The following MMP2 variants were observed in gnomAD, a reference collection of about 807,000 sequenced individuals.
The protein encoded by MMP2 is matrix metallopeptidase 2, also known as 72 kDa type IV collagenase.
Under a neutral mutation model 74.8 loss-of-function variants are expected in MMP2, and 39 were observed. That is an observed-to-expected ratio of 0.52 (90% CI 0.40 to 0.68). The LOEUF is 0.68. MMP2 is among the 30% of genes least tolerant of loss of function. The pLI is 0.00. For missense variants in MMP2, 803 were observed against 878.3 expected (o/e 0.91, Z 1.08); for synonymous variants, 367 against 339.8 (o/e 1.08, Z -0.88).
chr16:55,497,539 T>G (rs17859977), intron 10 of MMP2, among the ~76,000 whole-genome samples: 4,618 of 152,350 alleles, frequency 0.03, 113 homozygotes, highest in East Asian at 0.1. Context: ...GATTATTCAG[T>G]AACTGATATT....
At chr16:55,483,522 G>A (rs1962161001) in intron 2 of MMP2, among the ~76,000 whole-genome samples, 1 of 152,188 alleles carries the variant, frequency 6.6e-6, no homozygotes, top group Admixed American at 6.5e-5. Context: ...AGGTCATTGG[G>A]ATGGGCAGAA....
intron 7 of MMP2, among the ~76,000 whole-genome samples, chr16:55,490,869 T>C (rs1447958470): frequency 6.6e-6 from 1 of 152,120 alleles, no homozygotes; most frequent in African/African-American, 2.4e-5. Flanking sequence ...GTGAATATTA[T>C]AGTCTCCTGG....
chr16:55,500,351 A>G (rs1236649628), intron 11 of MMP2, among the ~76,000 whole-genome samples: 2 of 152,218 alleles, frequency 1.3e-5, no homozygotes, highest in African/African-American at 4.8e-5. Context: ...CGTGAATCTT[A>G]GAATCCTAAA....
intron 1 of MMP2, chr16:55,480,112 A>G (rs1962060556): frequency 6.3e-6 from 1 of 158,998 alleles, no homozygotes; most frequent in Non-Finnish European, 1.4e-5. Flanking sequence ...GACTTTGGGA[A>G]CGGTGCTCTG....
chr16:55,504,675 C>T (rs1319911015), intron 12 of MMP2, among the ~76,000 whole-genome samples: 4 of 137,500 alleles, frequency 2.9e-5, no homozygotes, highest in African/African-American at 1.1e-4. Context: ...TTTTTTGAGA[C>T]AGAGTCTCCC....
chr16:55,505,518 C>T lies in MMP2; in HGVS notation c.*76C>T, dbSNP rs760604174. ...GGGCCTGGAGAACTAGAGAAGGACC[C>T]GGAGGGGCCTGGCAGCCGTGCCTTC... On this transcript the variant is annotated 3_prime_UTR_variant, in exon 13 of 13. Coordinates refer to ENST00000219070, the MANE Select transcript of MMP2 (RefSeq NM_004530.6). 1.2e-5 allele frequency: 15 copies of T among 1,294,336 alleles called. No homozygotes were observed. Among genetic ancestry groups the T allele is most frequent in the Middle Eastern group, 2.4e-4 (1 of 4,094 alleles). 80.2% of individuals were successfully genotyped at this position (1,294,336 alleles called of 1,614,324 possible).
chr16:55,480,319 G>A (rs1171642115), intron 1 of MMP2, among the ~76,000 whole-genome samples: 5 of 152,186 alleles, frequency 3.3e-5, no homozygotes, highest in African/African-American at 9.7e-5. Context: ...TGGCTTAATG[G>A]ACAAATTGGT....
intron 9 of MMP2, among the ~76,000 whole-genome samples, chr16:55,496,075 C>T (rs1186518836): frequency 6.6e-6 from 1 of 152,220 alleles, no homozygotes; most frequent in Non-Finnish European, 1.5e-5. Context: ...CAGTAGTTCT[C>T]AAACCTTGGC....
intron 12 of MMP2, among the ~76,000 whole-genome samples, chr16:55,504,496 C>T (rs575554292): frequency 3.3e-5 from 5 of 152,106 alleles, no homozygotes; most frequent in Non-Finnish European, 4.4e-5. Flanking sequence ...TAATCTTTAT[C>T]CTCATCTTAG....
chr16:55,486,341 GTGTGCC>G (rs1384111189), intron 5 of MMP2, among the ~76,000 whole-genome samples: 411 of 96,420 alleles, frequency 4.3e-3, no homozygotes, highest in African/African-American at 0.014. Context: ...GTGTGTGTGT[GTGTGCC>G]TGTGTGTGTG....
Position 55,498,463 on chromosome 16 carries a change from T to C in MMP2, c.1769+15T>C, listed in dbSNP as rs763290583. The stretch of plus-strand genomic sequence containing the variant: ...AAATTCTGGAGGTAAGGGAGGGCGG[T>C]GGGTAGGACAGCAGCACAGTTGGCT... On this transcript the variant is annotated intron_variant, in intron 11 of 12. Coordinates refer to ENST00000219070, the MANE Select transcript of MMP2 (RefSeq NM_004530.6). 9 of 1,613,768 alleles carry C rather than the reference T, an allele frequency of 5.6e-6. No individual in the cohort carries two copies. The highest frequency in any genetic ancestry group is 1.3e-5 in the African/African-American group (1 of 74,868).
At chr16:55,485,464 C>G in intron 4 of MMP2, 37 bp downstream of exon 4, 1 of 1,614,026 alleles carries the variant, frequency 6.2e-7, no homozygotes, top group Non-Finnish European at 8.5e-7. Flanking sequence ...CAGACCTTCT[C>G]TCCTGTCCTC....
chr16:55,483,005 C>T lies in MMP2; in HGVS notation c.250C>T (p.Pro84Ser), dbSNP rs1962144533. Reference sequence around the variant, plus strand: ...GAAGATGCAGAAGTTCTTTGGACTGCCCCAGACAGGTGATCTTGACCAGAA... The same window carrying T: ...GAAGATGCAGAAGTTCTTTGGACTGTCCCAGACAGGTGATCTTGACCAGAA... ...LKKMQKFFGL[P>S]QTGDLDQNTI... is the part of the protein sequence containing the mutation. The change falls in exon 2 of 13, where the codon CCC (proline) becomes TCC (serine). Residue 84 changes from proline (P) to serine (S), a missense_variant. Physicochemically the swap from Pro to Ser is moderately conservative, Grantham distance 74. Around this residue, in one of 3 missense-constraint regions of MMP2, gnomAD observed 223 missense variants for 232.8 expected, o/e 0.96. Coordinates refer to ENST00000219070, the MANE Select transcript of MMP2 (RefSeq NM_004530.6). 6.2e-7 allele frequency: 1 copy of T among 1,614,058 alleles called. No individual in the cohort carries two copies. The highest frequency in any genetic ancestry group is 1.7e-5 in the Admixed American group (1 of 60,004).
chr16:55,499,182 A>AAG (rs397738283), intron 11 of MMP2, among the ~76,000 whole-genome samples: 10 of 151,110 alleles, frequency 6.6e-5, no homozygotes, highest in Non-Finnish European at 1.2e-4. Flanking sequence ...AAAAAAAAAA[A>AAG]GAAAAAAGAA....
chr16:55,505,298 T>A (rs770263619), intron 12 of MMP2, 41 bp from the exon 13 acceptor site: 1 of 1,534,584 alleles, frequency 6.5e-7, no homozygotes, highest in Non-Finnish European at 9.0e-7. Context: ...TGCCAGAATG[T>A]CAGGATAAGG....
At chr16:55,479,746 T>C in intron 1 of MMP2, 114 bp downstream of exon 1, 3 of 1,361,786 alleles carry the variant, frequency 2.2e-6, no homozygotes, top group Non-Finnish European at 2.1e-6. Context: ...GGGGAGGGGC[T>C]TCGGTAAACA....
At chr16:55,500,538 C>G (rs185267368) in intron 11 of MMP2, among the ~76,000 whole-genome samples, 65 of 147,744 alleles carry the variant, frequency 4.4e-4, no homozygotes, top group African/African-American at 1.5e-3. Flanking sequence ...CACACACACA[C>G]AGGCATGGAG....
At chr16:55,496,374 T>C (rs777402563) in intron 9 of MMP2, among the ~76,000 whole-genome samples, 16 of 152,156 alleles carry the variant, frequency 1.1e-4, no homozygotes, top group Non-Finnish European at 1.8e-4. Context: ...AGATAATTAA[T>C]GCTAGGTAGA....
At chr16:55,493,554 CTGT>C (rs1449757043) in intron 9 of MMP2, among the ~76,000 whole-genome samples, 1 of 152,158 alleles carries the variant, frequency 6.6e-6, no homozygotes, top group Non-Finnish European at 1.5e-5. Context: ...TGTGCTCTGC[CTGT>C]TGTTCTCATG....
Sources: allele counts gnomAD v4.1 joint callset (sites outside exome capture counted in the v4.1 genomes callset), GRCh38; gene constraint gnomAD v4.1.1; regional missense constraint gnomAD v4.1.1; transcripts MANE v1.5; gene names NCBI Gene and HGNC (gene_info 2026-07-23, HGNC 2026-07-21).